Variants in SPICE1 observed in about 807,000 individuals in gnomAD.
The protein encoded by SPICE1 is spindle and centriole-associated protein 1.
Under a neutral mutation model 102.7 loss-of-function variants are expected in SPICE1, and 75 were observed. The ratio of observed to expected loss-of-function variants is 0.73; its 90% CI spans 0.61 to 0.88. The LOEUF (loss-of-function observed/expected upper bound fraction) is 0.88, where lower values mean the gene tolerates loss of function less well. Among genes scored for constraint, SPICE1 ranks in the 40% least tolerant of loss-of-function variants. The probability of loss-of-function intolerance (pLI) is 0.00; values close to 1 mark genes in which losing one functional copy is unlikely to be tolerated. For missense variants in SPICE1, 979 were observed against 1,020.1 expected, an observed-to-expected ratio of 0.96 and a Z score of 0.55; for synonymous variants, 308 against 350.3, an observed-to-expected ratio of 0.88 and a Z score of 1.35.
chr3:113,472,080 C>T (rs1936215390), intron 7 of SPICE1, among the ~76,000 whole-genome samples: 1 of 152,212 alleles, frequency 6.6e-6, no homozygotes, highest in Non-Finnish European at 1.5e-5. Context: ...TTGGGTCATG[C>T]CCACCCTAAT....
intron 14 of SPICE1, among the ~76,000 whole-genome samples, chr3:113,452,972 C>T (rs907193610): frequency 6.6e-6 from 1 of 151,722 alleles, no homozygotes; most frequent in Non-Finnish European, 1.5e-5. Context: ...AGCAAGACTC[C>T]GTCTCAAAAA....
At chr3:113,458,911 G>A (rs1935854801) in intron 12 of SPICE1, among the ~76,000 whole-genome samples, 1 of 152,214 alleles carries the variant, frequency 6.6e-6, no homozygotes, top group East Asian at 1.9e-4. Flanking sequence ...ACCCCGTCTG[G>A]GAGGTGTACC....
In SPICE1 at chr3:113,499,506, C is replaced by T; in HGVS notation, c.224G>A (p.Arg75Lys). Reference sequence around the variant, plus strand: ...TTCTGGTTTCTGCTTCCTCCATTTTCTCTTCAAAGCTTTTTCTTGGAGTTC... The same window carrying T: ...TTCTGGTTTCTGCTTCCTCCATTTTTTCTTCAAAGCTTTTTCTTGGAGTTC... ...HWELQEKALK[R>K]KWRKQKPETL... is the part of the protein sequence containing the mutation. Residue 75 changes from arginine to lysine, a missense_variant, in exon 4 of 18, where the codon AGA becomes AAA. By Grantham distance (26) the Arg-to-Lys change is conservative. Coordinates refer to ENST00000295872, the MANE Select transcript of SPICE1 (RefSeq NM_144718.4). The T allele has an allele frequency of 6.2e-7, 1 of 1,613,306 alleles. No homozygotes were observed.
chr3:113,503,319 C>CA (rs1937045570), intron 2 of SPICE1, 92 bp from the exon 3 acceptor site: 6 of 1,282,716 alleles, frequency 4.7e-6, no homozygotes, highest in Admixed American at 3.2e-5. Context: ...AAAATGGTTT[C>CA]AAAATCCTAG....
intron 4 of SPICE1, among the ~76,000 whole-genome samples, chr3:113,495,656 T>C (rs1367284856): frequency 1.3e-5 from 2 of 152,220 alleles, no homozygotes; most frequent in African/African-American, 4.8e-5. Context: ...TGCTATAACT[T>C]AAATTATATT....
intron 11 of SPICE1, among the ~76,000 whole-genome samples, chr3:113,461,993 C>T (rs1384530774): frequency 6.6e-6 from 1 of 152,136 alleles, no homozygotes; most frequent in Non-Finnish European, 1.5e-5. Flanking sequence ...CTCCTCAAGC[C>T]TTGTTTACCT....
In SPICE1 at chr3:113,468,580, T is replaced by C. The variant is rs544622478; in HGVS notation, c.890-176A>G. The stretch of plus-strand genomic sequence containing the variant: ...CCAGATTTACACTAGCTATAATGAA[T>C]GCACTAGAACCACTGTTCCAGAGTT... On this transcript the variant is annotated intron_variant, in intron 9 of 17. Transcript: ENST00000295872. 5.3e-5 allele frequency among the ~76,000 whole-genome samples: 8 copies of C among 152,338 alleles called. No homozygotes were observed. In the South Asian group the frequency reaches 1.5e-3, roughly 28 times the overall value.
intron 1 of SPICE1, among the ~76,000 whole-genome samples, chr3:113,512,846 A>G (rs1299495338): frequency 2.6e-5 from 4 of 152,112 alleles, no homozygotes; most frequent in Admixed American, 2.0e-4. Flanking sequence ...CTTTCATTCA[A>G]TAATTATTTG....
chr3:113,468,265 AT>A lies in SPICE1; in HGVS notation c.1028del (p.His343LeufsTer31), dbSNP rs779622948. The A allele has an allele frequency of 6.2e-7, 1 of 1,614,084 alleles. No individual in the cohort carries two copies. Among genetic ancestry groups the A allele is most frequent in the Non-Finnish European group, 8.5e-7 (1 of 1,180,022 alleles). On this transcript the variant is annotated frameshift_variant, in exon 10 of 18. Coordinates refer to ENST00000295872, the MANE Select transcript of SPICE1 (RefSeq NM_144718.4). LOFTEE classifies it high-confidence loss of function. Reference sequence around the variant, plus strand: ...TCCACCGCTCATATTCTTCCATTTCATGTTCCACTTCATGTATCATGTGTTT... The same window carrying A: ...TCCACCGCTCATATTCTTCCATTTCAGTTCCACTTCATGTATCATGTGTTT... ...VLKHMIHEVE[H>X]EMEEYERWTG...
At position 113,465,692 on chromosome 3, in the gene SPICE1, A is replaced by T. The variant is rs537065193; in HGVS notation, c.1248T>A (p.Ala416=). The change falls in exon 11 of 18, where the codon GCT becomes GCA. Residue 416 remains alanine, a synonymous_variant. Transcript: ENST00000295872. ...DHRELIDALT[A]EILRLREENA... ...TTTCTTCTCTAAGACGAAGAATTTC[A>T]GCTGTCAGAGCATCAATGAGCTCTC... 2.5e-6 allele frequency: 4 copies of T among 1,613,942 alleles called. No homozygotes were observed. In the Admixed American group the frequency reaches 6.7e-5, roughly 27 times the overall value.
chr3:113,483,787 T>C (rs1253911138), intron 7 of SPICE1, among the ~76,000 whole-genome samples: 2 of 152,246 alleles, frequency 1.3e-5, no homozygotes, highest in Non-Finnish European at 2.9e-5. Flanking sequence ...GCCAGTATTT[T>C]ATTGAGGATT....
intron 7 of SPICE1, among the ~76,000 whole-genome samples, chr3:113,473,886 C>A (rs1425288266): frequency 6.6e-6 from 1 of 151,784 alleles, no homozygotes; most frequent in Non-Finnish European, 1.5e-5. Flanking sequence ...AACTAACGAG[C>A]AAAATAATCA....
At chr3:113,450,166 T>C (rs760293728) in intron 15 of SPICE1, 170 bp downstream of exon 15, 17 of 651,932 alleles carry the variant, frequency 2.6e-5, no homozygotes, top group Non-Finnish European at 3.7e-5. Context: ...TGCCTTCTAA[T>C]CCCATTTCTG....
intron 11 of SPICE1, among the ~76,000 whole-genome samples, chr3:113,462,872 C>G (rs1213305602): frequency 6.6e-6 from 1 of 152,080 alleles, no homozygotes; most frequent in Non-Finnish European, 1.5e-5. Context: ...CCATCTCACT[C>G]AGCATAAAAG....
At chr3:113,503,960 G>A (rs910949009) in intron 2 of SPICE1, among the ~76,000 whole-genome samples, 6 of 148,130 alleles carry the variant, frequency 4.1e-5, no homozygotes, top group African/African-American at 1.5e-4. Flanking sequence ...AAAAGAAAGT[G>A]TGATCACTAT....
chr3:113,461,977 A>T (rs1343251308), intron 11 of SPICE1, among the ~76,000 whole-genome samples: 2 of 152,166 alleles, frequency 1.3e-5, no homozygotes, highest in Non-Finnish European at 2.9e-5. Context: ...ACATAAAGCC[A>T]AATTCCTCCT....
chr3:113,463,127 T>C (rs1559960889), intron 11 of SPICE1, among the ~76,000 whole-genome samples: 3 of 152,196 alleles, frequency 2.0e-5, no homozygotes, highest in Admixed American at 1.3e-4. Flanking sequence ...GGCTCAAATG[T>C]CACTTCCTCA....
chr3:113,470,267 T>C (rs1259433038), intron 7 of SPICE1, among the ~76,000 whole-genome samples: 4 of 152,188 alleles, frequency 2.6e-5, no homozygotes, highest in African/African-American at 7.2e-5. Flanking sequence ...CCTGTCCAAA[T>C]TGCAAAAGAT....
intron 2 of SPICE1, among the ~76,000 whole-genome samples, chr3:113,504,526 C>T (rs914758442): frequency 1.4e-5 from 2 of 144,338 alleles, no homozygotes; most frequent in Non-Finnish European, 3.0e-5. Flanking sequence ...CATCATGAGC[C>T]CAGGAGTCTG....
Sources: gnomAD v4.1 joint callset for allele counts (sites outside exome capture counted in the v4.1 genomes callset) on GRCh38, gnomAD v4.1.1 for gene constraint, MANE v1.5 for transcripts, NCBI Gene and HGNC (gene_info 2026-07-23, HGNC 2026-07-21) for gene names.